The following PTK2 variants were observed in gnomAD, a reference collection of about 807,000 sequenced individuals.
PTK2 encodes the protein protein tyrosine kinase 2.
Under a neutral mutation model 150.1 loss-of-function variants are expected in PTK2, and 45 were observed. That is an observed-to-expected ratio of 0.30 (90% CI 0.24 to 0.38). The LOEUF (loss-of-function observed/expected upper bound fraction) is 0.38. Ranked by LOEUF, PTK2 falls within the 10% of genes least tolerant of loss-of-function variation. The probability of loss-of-function intolerance (pLI) is 1.00; values close to 1 mark genes in which losing one functional copy is unlikely to be tolerated. For missense variants in PTK2, 919 were observed against 1,307.3 expected, an observed-to-expected ratio of 0.70 and a Z score of 4.58; for synonymous variants, 432 against 449.2, an observed-to-expected ratio of 0.96 and a Z score of 0.48.
intron 1 of PTK2, among the ~76,000 whole-genome samples, chr8:140,967,874 C>CAAT (rs2100185870): frequency 6.6e-6 from 1 of 152,156 alleles, no homozygotes; most frequent in African/African-American, 2.4e-5. Context: ...CTCAGTCTAT[C>CAAT]AATAGTTCCT....
At chr8:140,675,168 CTTT>C (rs772090005) in intron 28 of PTK2, among the ~76,000 whole-genome samples, 3 of 138,294 alleles carry the variant, frequency 2.2e-5, no homozygotes, top group African/African-American at 2.6e-5. Flanking sequence ...GCATTTCTTT[CTTT>C]TTTTTTTTTT....
Position 140,764,503 on chromosome 8 carries a change from T to G in PTK2, c.1178-213A>C, listed in dbSNP as rs1312855969. The G allele has an allele frequency of 1.1e-5, 6 of 537,492 alleles. 1 individual carries two copies. The Admixed American group carries it at 1.7e-4, about 15-fold the overall frequency. 33.3% of individuals were successfully genotyped at this position (537,492 alleles called of 1,614,324 possible). On this transcript the variant is annotated intron_variant, in intron 14 of 31. Coordinates refer to ENST00000522684, the Ensembl canonical transcript of PTK2. The stretch of plus-strand genomic sequence containing the variant: ...ATACGTTATAATACACAGACTTGTT[T>G]ATCGGAGAGCAAACAGGGCTAACAC...
chr8:140,667,921 C>T (rs1333564126), intron 30 of PTK2, among the ~76,000 whole-genome samples: 1 of 152,144 alleles, frequency 6.6e-6, no homozygotes, highest in Non-Finnish European at 1.5e-5. Flanking sequence ...GATTATTTTG[C>T]ATGTTTTTCA....
chr8:140,731,315 A>C (rs1419504130), intron 22 of PTK2, among the ~76,000 whole-genome samples: 1 of 152,146 alleles, frequency 6.6e-6, no homozygotes, highest in African/African-American at 2.4e-5. Context: ...GACAGTCATA[A>C]AGCACAAAAA....
intron 2 of PTK2, among the ~76,000 whole-genome samples, chr8:140,910,712 C>G (rs945747666): frequency 6.6e-6 from 1 of 152,148 alleles, no homozygotes; most frequent in Non-Finnish European, 1.5e-5. Context: ...ATGAAATCTT[C>G]CCAGCTCTAT....
chr8:140,869,276 T>A (rs570518829), intron 4 of PTK2, among the ~76,000 whole-genome samples: 80 of 152,314 alleles, frequency 5.3e-4, no homozygotes, highest in Admixed American at 1.1e-3. Context: ...GACTGGCAGC[T>A]TCTTCTTTAA....
rs201028834 is a variant in PTK2, at chr8:140,743,694, TATC to T, written c.1635-367_1635-365del. On this transcript the variant is annotated intron_variant, in intron 19 of 31. Coordinates refer to ENST00000522684, the Ensembl canonical transcript of PTK2. ...TATAACACTGCCATTACTAAAGAGATATCATTAAATAAAAGTTGCCTTCTGAAA... is the reference window on the plus strand; with the variant it reads ...TATAACACTGCCATTACTAAAGAGATATTAAATAAAAGTTGCCTTCTGAAA... Among the ~76,000 whole-genome samples, 154 of 152,202 alleles carry T rather than the reference TATC, an allele frequency of 1.0e-3. 2 individuals are homozygous for T. In the East Asian group the frequency reaches 0.028, roughly 27 times the overall value.
At chr8:140,713,725 T>C (rs1402864477) in intron 23 of PTK2, among the ~76,000 whole-genome samples, 2 of 152,222 alleles carry the variant, frequency 1.3e-5, no homozygotes, top group Non-Finnish European at 2.9e-5. Flanking sequence ...GACACTCCCA[T>C]GCAGGGCTTG....
intron 14 of PTK2, among the ~76,000 whole-genome samples, chr8:140,784,533 A>G (rs1242669113): frequency 5.3e-5 from 8 of 152,172 alleles, no homozygotes; most frequent in Admixed American, 5.2e-4. Context: ...ATTTGGAAAT[A>G]CCTGATTTCT....
intron 4 of PTK2, among the ~76,000 whole-genome samples, chr8:140,875,415 T>C (rs1240642241): frequency 1.3e-5 from 2 of 152,146 alleles, no homozygotes; most frequent in African/African-American, 4.8e-5. Context: ...CTCTAAAATA[T>C]ATTAAAGAAT....
intron 31 of PTK2, among the ~76,000 whole-genome samples, chr8:140,660,079 T>C (rs1207029656): frequency 6.6e-6 from 1 of 152,216 alleles, no homozygotes; most frequent in Non-Finnish European, 1.5e-5. Context: ...TGTTTGTGCA[T>C]GCCGATTCAC....
intron 23 of PTK2, among the ~76,000 whole-genome samples, chr8:140,714,861 G>C (rs888596331): frequency 7.7e-6 from 1 of 129,820 alleles, no homozygotes; most frequent in African/African-American, 2.9e-5. Flanking sequence ...ATCACAAGCA[G>C]AATTATGAAA....
intron 1 of PTK2, among the ~76,000 whole-genome samples, chr8:140,987,189 A>G (rs958706642): frequency 2.0e-5 from 3 of 152,160 alleles, no homozygotes; most frequent in Non-Finnish European, 4.4e-5. Flanking sequence ...ACCTTTTTTT[A>G]AAATTTTCTA....
In PTK2 at chr8:140,795,474, G is replaced by T. The variant is rs368188852; in HGVS notation, c.1094-2090C>A. ...TTCTGTTTTCCACCCCTTCAGGTGC[G>T]ACTCTCTCAGTGGGACCTTCCCTGA... is the stretch of plus-strand genomic sequence containing the variant. On this transcript the variant is annotated intron_variant, in intron 12 of 31. Transcript: ENST00000522684. 2.6e-4 allele frequency among the ~76,000 whole-genome samples: 40 copies of T among 152,254 alleles called. 2 individuals are homozygous for T. The highest frequency in any genetic ancestry group is 9.4e-4 in the African/African-American group (39 of 41,546).
At chr8:140,827,324 G>A (rs550037827) in intron 8 of PTK2, among the ~76,000 whole-genome samples, 4 of 151,984 alleles carry the variant, frequency 2.6e-5, no homozygotes, top group Admixed American at 1.3e-4. Context: ...CTGTTTCTAG[G>A]GTGTGAGCCC....
At chr8:140,730,969 T>A (rs1262154952) in intron 22 of PTK2, among the ~76,000 whole-genome samples, 4 of 136,428 alleles carry the variant, frequency 2.9e-5, no homozygotes, top group Non-Finnish European at 1.6e-5. Flanking sequence ...CCCCCCCTTT[T>A]TTTTTTGAGA....
Position 140,770,817 on chromosome 8 carries a change from A to T in PTK2, c.1178-6527T>A, listed in dbSNP as rs576026396. ...ACTGACTCCTTTATAAAGAGGCAAG[A>T]GGGGAAAGAGAAAAATAGAAACAAA... On this transcript the variant is annotated intron_variant, in intron 14 of 31. Transcript: ENST00000522684. 8 of 1,215,740 alleles carry T rather than the reference A, an allele frequency of 6.6e-6. No homozygotes were observed. In the African/African-American group the frequency reaches 7.8e-5, roughly 12 times the overall value. 75.3% of individuals were successfully genotyped at this position (1,215,740 alleles called of 1,614,324 possible).
At chr8:140,973,719 T>C (rs1327483006) in intron 1 of PTK2, among the ~76,000 whole-genome samples, 1 of 152,202 alleles carries the variant, frequency 6.6e-6, no homozygotes, top group Non-Finnish European at 1.5e-5. Context: ...AATACTATTT[T>C]TTCCAAACAG....
At chr8:140,820,685 T>C (rs1300764556) in intron 8 of PTK2, 1 of 151,266 alleles carries the variant, frequency 6.6e-6, no homozygotes, top group African/African-American at 2.4e-5. Context: ...TAAACTGAAA[T>C]GGCAGAAATT....
Sources: allele counts gnomAD v4.1 joint callset (sites outside exome capture counted in the v4.1 genomes callset), GRCh38; gene constraint gnomAD v4.1.1; transcripts MANE v1.5; gene names NCBI Gene and HGNC (gene_info 2026-07-23, HGNC 2026-07-21).